Variants in KMT2A observed in about 807,000 individuals in gnomAD.
KMT2A encodes histone-lysine N-methyltransferase 2A.
Under a neutral mutation model 345.3 loss-of-function variants are expected in KMT2A, and 16 were observed. The observed-to-expected ratio is 0.05, with a 90% CI of 0.03 to 0.07. The LOEUF is 0.07. Among genes scored for constraint, KMT2A ranks in the 10% least tolerant of loss-of-function variants. The pLI is 1.00. For synonymous variants in KMT2A, 1,599 were observed against 1,778.6 expected (o/e 0.90, Z 2.54); for missense variants, 3,272 against 4,841.6 (o/e 0.68, Z 9.62).
intron 1 of KMT2A, among the ~76,000 whole-genome samples, chr11:118,455,870 T>G (rs1298050124): frequency 1.3e-5 from 2 of 151,888 alleles, no homozygotes; most frequent in East Asian, 3.9e-4. Flanking sequence ...TGTTTTTCTT[T>G]GTAGAGATGG....
At position 118,499,854 on chromosome 11, in the gene KMT2A, C is replaced by T. The variant is rs1950472265; in HGVS notation, c.6099C>T (p.Cys2033=). ...GGTCAGGGTCTATGACAATCGACTGCTTAGGAATTCTAAATGATCTCTCCG... is the reference window on the plus strand; with the variant it reads ...GGTCAGGGTCTATGACAATCGACTGTTTAGGAATTCTAAATGATCTCTCCG... ...HMMIGSMTID[C]LGILNDLSDC... is the part of the protein sequence containing the mutation. Residue 2033 remains cysteine, a synonymous_variant, in exon 24 of 36, where the codon TGC becomes TGT. Coordinates refer to ENST00000534358, the MANE Select transcript of KMT2A (RefSeq NM_001197104.2). 1.2e-6 allele frequency: 2 copies of T among 1,611,692 alleles called. No individual in the cohort carries two copies. The highest frequency in any genetic ancestry group is 2.2e-5 in the East Asian group (1 of 44,878).
At position 118,505,643 on chromosome 11, in the gene KMT2A, G is replaced by A. The variant is rs782171210; in HGVS notation, c.9751G>A (p.Val3251Met). ...CCCTTCAAACATTGCCCCTTCTGAT[G>A]TGGTTTCTAATATGACATTGATTAA... ...STPSNIAPSDVVSNMTLINFT... is the reference protein window; with the variant it reads ...STPSNIAPSDMVSNMTLINFT... Residue 3251 changes from valine (V) to methionine (M), a missense_variant, in exon 27 of 36, where the codon GTG becomes ATG. Val to Met is a conservative substitution (Grantham distance 21). Transcript: ENST00000534358. This position sits in a 1 kb window ranked among gnomAD's most constrained non-coding sequence, Gnocchi z 4.6. 27 of 1,614,036 alleles carry A rather than the reference G, an allele frequency of 1.7e-5. No homozygotes were observed. The highest frequency in any genetic ancestry group is 1.6e-4 in the Middle Eastern group (1 of 6,084).
At chr11:118,447,579 C>T (rs558474126) in intron 1 of KMT2A, 2 of 431,872 alleles carry the variant, frequency 4.6e-6, no homozygotes, top group East Asian at 7.2e-5. Context: ...GTAGATAATA[C>T]TTAGCACTGA....
chr11:118,482,538 T>C, intron 8 of KMT2A, 43 bp downstream of exon 8: 1 of 1,404,770 alleles, frequency 7.1e-7, no homozygotes, highest in Non-Finnish European at 1.0e-6. Context: ...AGGGATGTAT[T>C]CTATTTTGTA....
chr11:118,445,774 G>A (rs1383651714), intron 1 of KMT2A, among the ~76,000 whole-genome samples: 4 of 152,172 alleles, frequency 2.6e-5, no homozygotes, highest in Admixed American at 6.5e-5. Flanking sequence ...AGGCCAAGGC[G>A]GGAAGATTGC....
At position 118,502,250 on chromosome 11, in the gene KMT2A, C is replaced by T. The variant is rs998965683; in HGVS notation, c.6506-148C>T. ...CTTGGGTGACAGAGTGAGACACTGT[C>T]TCAAAAAAGTAATAATAAATAAATA... On this transcript the variant is annotated intron_variant, in intron 26 of 35. Coordinates refer to ENST00000534358, the MANE Select transcript of KMT2A (RefSeq NM_001197104.2). This position sits in a 1 kb window ranked among gnomAD's most constrained non-coding sequence, Gnocchi z 4.9. The T allele has an allele frequency of 9.6e-5, 51 of 533,470 alleles. No individual in the cohort carries two copies. The highest frequency in any genetic ancestry group is 6.5e-4 in the Admixed American group (17 of 26,136). The allele number at this position is 533,470 out of a possible 1,614,324, so 33.0% of individuals were successfully genotyped here.
Position 118,524,952 on chromosome 11 carries a change from GT to G in KMT2A, c.*2783del, listed in dbSNP as rs1254153826. 6 of 207,788 alleles carry G rather than the reference GT, an allele frequency of 2.9e-5. No homozygotes were observed. Among genetic ancestry groups the G allele is most frequent in the African/African-American group, 1.4e-4 (6 of 43,800 alleles). 12.9% of individuals were successfully genotyped at this position (207,788 alleles called of 1,614,324 possible). On this transcript the variant is annotated 3_prime_UTR_variant, in exon 36 of 36. Transcript: ENST00000534358. Reference sequence around the variant, plus strand: ...TTCCTTCTCCTGCCAGCTGCAGATGGTTTGCCTTGCCTTTCCACCCCCTAAT... The same window carrying G: ...TTCCTTCTCCTGCCAGCTGCAGATGGTTGCCTTGCCTTTCCACCCCCTAAT...
In KMT2A at chr11:118,503,781, T is replaced by G. The variant is rs1950539430; in HGVS notation, c.7889T>G (p.Met2630Arg). Residue 2630 changes from methionine to arginine, a missense_variant, in exon 27 of 36, where the codon ATG becomes AGG. Met to Arg is a moderately conservative substitution (Grantham distance 91). This residue lies in a region of KMT2A where 21 missense variants were observed against 74.6 expected (regional missense o/e 0.28). Transcript: ENST00000534358. The surrounding 1 kb of genome is among the most constrained non-coding windows in gnomAD (Gnocchi z 5.3). ...CGCAGTGCCCGTGCACGTTCTAACATGTTTTTTGGGCTTACCCCACTCTAT... is the reference window on the plus strand; with the variant it reads ...CGCAGTGCCCGTGCACGTTCTAACAGGTTTTTTGGGCTTACCCCACTCTAT... ...PRRSARARSN[M>R]FFGLTPLYGV... 6.2e-7 allele frequency: 1 copy of G among 1,614,080 alleles called. No homozygotes were observed.
At chr11:118,465,574 A>G (rs891419968) in intron 1 of KMT2A, among the ~76,000 whole-genome samples, 1 of 152,174 alleles carries the variant, frequency 6.6e-6, no homozygotes, top group Non-Finnish European at 1.5e-5. Flanking sequence ...TAGATACAGT[A>G]AGTGAGTTGT....
chr11:118,439,752 G>T (rs2134165443), intron 1 of KMT2A, among the ~76,000 whole-genome samples: 1 of 152,286 alleles, frequency 6.6e-6, no homozygotes, highest in East Asian at 1.9e-4. Context: ...TATGAGAAGA[G>T]TGGTTGACTC....
rs376682610 is a variant in KMT2A, at chr11:118,462,764, G to A, written c.433-6011G>A. On this transcript the variant is annotated intron_variant, in intron 1 of 35. Transcript: ENST00000534358. ...TTTTTAGTAGAGACAGGGTTTCACCGTGTTAGCCAGGATGGTCTCGATCTC... is the reference window on the plus strand; with the variant it reads ...TTTTTAGTAGAGACAGGGTTTCACCATGTTAGCCAGGATGGTCTCGATCTC... 4.5e-4 allele frequency among the ~76,000 whole-genome samples: 69 copies of A among 152,188 alleles called. 1 individual carries two copies. In the East Asian group the frequency reaches 0.013, roughly 29 times the overall value.
rs1301239572 is a variant in KMT2A at position 118,526,655 on chromosome 11, ATACTT to A, written c.*4486_*4490del. The A allele has an allele frequency of 2.2e-5, 5 of 231,802 alleles. No homozygotes were observed. Among genetic ancestry groups the A allele is most frequent in the South Asian group, 1.8e-4 (1 of 5,530 alleles). 14.4% of individuals were successfully genotyped at this position (231,802 alleles called of 1,614,324 possible). On this transcript the variant is annotated 3_prime_UTR_variant, in exon 36 of 36. Transcript: ENST00000534358. ...CTCCCTGTGACAGGGATGAAGGAAA[ATACTT>A]TAATAGTTCAAAAAATAATAATGCT...
chr11:118,476,992 GAA>G lies in KMT2A; in HGVS notation c.3334+11_3334+12del. 6.2e-7 allele frequency: 1 copy of G among 1,613,866 alleles called. No homozygotes were observed. Among genetic ancestry groups the G allele is most frequent in the African/African-American group, 1.3e-5 (1 of 75,060 alleles). ...TCCATGGGGAATGATGGTAGGTCAA[GAA>G]GGTCAATCTTGGAGTCGGAACAGAC... On this transcript the variant is annotated intron_variant, in intron 4 of 35. Transcript: ENST00000534358. This position sits in a 1 kb window ranked among gnomAD's most constrained non-coding sequence, Gnocchi z 4.1.
In KMT2A at chr11:118,498,256, A is replaced by G. The variant is rs553110444; in HGVS notation, c.5803-114A>G. ...AATTTTATCTGTTTTCAATTTATCAATAGATAAAATGAATTGTAGGAACTG... is the reference window on the plus strand; with the variant it reads ...AATTTTATCTGTTTTCAATTTATCAGTAGATAAAATGAATTGTAGGAACTG... On this transcript the variant is annotated intron_variant, in intron 21 of 35. Coordinates refer to ENST00000534358, the MANE Select transcript of KMT2A (RefSeq NM_001197104.2). The surrounding 1 kb of genome is among the most constrained non-coding windows in gnomAD (Gnocchi z 4.4). 8.9e-5 allele frequency: 107 copies of G among 1,198,130 alleles called. No individual in the cohort carries two copies. The highest frequency in any genetic ancestry group is 1.1e-4 in the Admixed American group (5 of 44,002). The allele number at this position is 1,198,130 out of a possible 1,614,324, so 74.2% of individuals were successfully genotyped here.
rs1555043511 is a variant in KMT2A, at chr11:118,494,815, C to G, written c.5363+48C>G. On this transcript the variant is annotated intron_variant, in intron 18 of 35. Coordinates refer to ENST00000534358, the MANE Select transcript of KMT2A (RefSeq NM_001197104.2). The surrounding 1 kb of genome is among the most constrained non-coding windows in gnomAD (Gnocchi z 5.8). ...TTTTTTCTCCTCATCGGCTAGAAAT[C>G]TGAGAGTTCTCATATTTCTAGATTG... The G allele has an allele frequency of 7.1e-7, 1 of 1,402,588 alleles. No homozygotes were observed. Among genetic ancestry groups the G allele is most frequent in the Non-Finnish European group, 1.0e-6 (1 of 992,212 alleles). The allele number at this position is 1,402,588 out of a possible 1,614,324, so 86.9% of individuals were successfully genotyped here. A position where few individuals can be genotyped will look rare whatever the true frequency, so the allele number is the denominator to read the frequency against.
Position 118,494,481 on chromosome 11 carries a change from CTT to C in KMT2A, c.5289+87_5289+88del, listed in dbSNP as rs1950372620. ...AATACAATGAACTTGTTCTCTTCTA[CTT>C]TTTGCTTTGTGGTGTGTATAAAACA... On this transcript the variant is annotated intron_variant, in intron 17 of 35. Coordinates refer to ENST00000534358, the MANE Select transcript of KMT2A (RefSeq NM_001197104.2). The surrounding 1 kb of genome is among the most constrained non-coding windows in gnomAD (Gnocchi z 5.8). The C allele has an allele frequency of 1.1e-6, 1 of 897,746 alleles. No homozygotes were observed. The highest frequency in any genetic ancestry group is 1.7e-5 in the African/African-American group (1 of 59,536). 55.6% of individuals were successfully genotyped at this position (897,746 alleles called of 1,614,324 possible). A position where few individuals can be genotyped will look rare whatever the true frequency, so the allele number is the denominator to read the frequency against.
rs1413441422 is a variant in KMT2A, at chr11:118,504,400, A to G, written c.8508A>G (p.Ser2836=). 4.3e-6 allele frequency: 7 copies of G among 1,614,068 alleles called. No individual in the cohort carries two copies. The highest frequency in any genetic ancestry group is 1.3e-5 in the African/African-American group (1 of 74,928). The change falls in exon 27 of 36, where the codon TCA becomes TCG. Residue 2836 remains serine (S), a synonymous_variant. Transcript: ENST00000534358. The surrounding 1 kb of genome is among the most constrained non-coding windows in gnomAD (Gnocchi z 6.4). ...ATACTGAGCTCCTGAAATCAGATTC[A>G]GACAATAACAACAGTGATGACTGTG... ...TYNTELLKSD[S]DNNNSDDCGN... is the part of the protein sequence containing the mutation.
chr11:118,482,752 CAAA>C (rs59972810), intron 8 of KMT2A, among the ~76,000 whole-genome samples: 5 of 115,378 alleles, frequency 4.3e-5, no homozygotes, highest in Non-Finnish European at 3.8e-5. Context: ...TTTATTTAAA[CAAA>C]AAAAAAAAAA....
chr11:118,437,613 C>T (rs1949219580), intron 1 of KMT2A, among the ~76,000 whole-genome samples: 1 of 150,762 alleles, frequency 6.6e-6, no homozygotes, highest in African/African-American at 2.4e-5. Flanking sequence ...TCCTCTGCAC[C>T]TTGCCTGGTC....
Sources: gnomAD v4.1 joint callset for allele counts (sites outside exome capture counted in the v4.1 genomes callset) on GRCh38, gnomAD v4.1.1 for gene constraint, gnomAD v4.1.1 regional missense constraint, Gnocchi (gnomAD v3.1) non-coding constraint, MANE v1.5 for transcripts, NCBI Gene and HGNC (gene_info 2026-07-23, HGNC 2026-07-21) for gene names.